The following NR4A1 variants were observed in gnomAD, a reference collection of about 807,000 sequenced individuals.
NR4A1 encodes the protein nuclear receptor subfamily 4 group A member 1.
NR4A1 carries 24 observed loss-of-function variants against 47.5 expected under a neutral mutation model. The ratio of observed to expected loss-of-function variants is 0.50; its 90% CI spans 0.37 to 0.71. The LOEUF is 0.71. Ranked by LOEUF, NR4A1 falls within the 30% of genes least tolerant of loss-of-function variation. The pLI is 0.00. For synonymous variants in NR4A1, 353 were observed against 345.7 expected, an observed-to-expected ratio of 1.02 and a Z score of -0.24; for missense variants, 669 against 788.6, an observed-to-expected ratio of 0.85 and a Z score of 1.82.
intron 1 of NR4A1, chr12:52,053,326 G>C (rs1939077798): frequency 6.6e-6 from 1 of 152,124 alleles, no homozygotes; most frequent in South Asian, 2.1e-4. Context: ...TCAGGGCACA[G>C]ACCCTGCTTT....
At chr12:52,053,664 G>A (rs1014636453) in intron 1 of NR4A1, 1 of 152,436 alleles carries the variant, frequency 6.6e-6, no homozygotes, top group Non-Finnish European at 1.5e-5. Context: ...GGATTGGGGT[G>A]GGTTTGGGAT....
At chr12:52,048,315 C>T (rs939243592), upstream of NR4A1, among the ~76,000 whole-genome samples, 2 of 151,838 alleles carry the variant, frequency 1.3e-5, no homozygotes, top group African/African-American at 4.8e-5. Context: ...TTTATTTTGG[C>T]CGGGTACAGT....
Position 52,028,903 on chromosome 12 carries a change from AAAAAAC to A in NR4A1, c.-84+5988_-84+5993del, listed in dbSNP as rs374234566. Among the ~76,000 whole-genome samples, 259 of 152,304 alleles carry A rather than the reference AAAAAAC, an allele frequency of 1.7e-3. 1 individual carries two copies. The highest frequency in any genetic ancestry group is 5.0e-3 in the African/African-American group (206 of 41,554). On this transcript the variant is annotated intron_variant, in intron 1 of 7. Transcript: ENST00000360284. Reference sequence around the variant, plus strand: ...GGGTGACAAAGCGAGACTCCATTTTAAAAAACAAAAACAAAAACAAAAACAAAAAGA... The same window carrying A: ...GGGTGACAAAGCGAGACTCCATTTTAAAAAACAAAAACAAAAACAAAAAGA...
At chr12:52,031,391 C>G (rs903449983) in intron 1 of NR4A1, among the ~76,000 whole-genome samples, 20 of 150,250 alleles carry the variant, frequency 1.3e-4, no homozygotes, top group African/African-American at 4.9e-4. Flanking sequence ...AATCTCAACA[C>G]TTTGGGAGGC....
chr12:52,041,278 ATG>A (rs1938424854), intron 1 of NR4A1, among the ~76,000 whole-genome samples: 1 of 152,086 alleles, frequency 6.6e-6, no homozygotes, highest in Non-Finnish European at 1.5e-5. Flanking sequence ...CAAAGAGATT[ATG>A]TAATTTGCCC....
At chr12:52,054,275 G>A (rs1437068352) in intron 1 of NR4A1, 52 bp from the exon 2 acceptor site, 3 of 1,488,806 alleles carry the variant, frequency 2.0e-6, no homozygotes, top group Non-Finnish European at 2.7e-6. Flanking sequence ...CAAGGCTATA[G>A]GCTTGTCCCA....
intron 1 of NR4A1, chr12:52,037,547 C>T (rs1233490199): frequency 3.1e-6 from 3 of 977,752 alleles, no homozygotes; most frequent in Non-Finnish European, 3.6e-6. Flanking sequence ...GCCGGAGTCC[C>T]GCTTGGAAAC....
chr12:52,027,375 G>A (rs1243657344), intron 1 of NR4A1, among the ~76,000 whole-genome samples: 1 of 152,242 alleles, frequency 6.6e-6, no homozygotes, highest in Admixed American at 6.5e-5. Flanking sequence ...GGTCTGCTGA[G>A]GATGGCTCTG....
intron 1 of NR4A1, among the ~76,000 whole-genome samples, chr12:52,024,572 C>T (rs147376433): frequency 1.2e-4 from 19 of 152,294 alleles, no homozygotes; most frequent in Admixed American, 3.9e-4. Flanking sequence ...GTAGTCCCAG[C>T]TACTGGAGAG....
Position 52,052,583 on chromosome 12 carries a change from C to T in NR4A1, c.-3+1015C>T, listed in dbSNP as rs1482974363. On this transcript the variant is annotated intron_variant, in intron 1 of 6. Coordinates refer to ENST00000394825, the MANE Select transcript of NR4A1 (RefSeq NM_173157.3). ...GCCTGAAGCCGGATTCTCCCCACTGCCTCCTTCAACCCCGCCTCTTCCTCC... is the reference window on the plus strand; with the variant it reads ...GCCTGAAGCCGGATTCTCCCCACTGTCTCCTTCAACCCCGCCTCTTCCTCC... 4 of 985,614 alleles carry T rather than the reference C, an allele frequency of 4.1e-6. No individual in the cohort carries two copies. The East Asian group carries it at 3.4e-4, about 84-fold the overall frequency. 61.1% of individuals were successfully genotyped at this position (985,614 alleles called of 1,614,324 possible). A position where few individuals can be genotyped will look rare whatever the true frequency, so the allele number is the denominator to read the frequency against.
chr12:52,058,016 A>C (rs891535655), intron 6 of NR4A1, among the ~76,000 whole-genome samples: 1 of 152,080 alleles, frequency 6.6e-6, no homozygotes, highest in Non-Finnish European at 1.5e-5. Flanking sequence ...TAAGATGGGA[A>C]TCTCACTATG....
chr12:52,038,933 C>T (rs1213293579), intron 1 of NR4A1, among the ~76,000 whole-genome samples: 2 of 152,226 alleles, frequency 1.3e-5, no homozygotes, highest in Non-Finnish European at 2.9e-5. Flanking sequence ...TGTGGGACTG[C>T]TCTGTGCAGT....
At chr12:52,037,391 T>G (rs546611158) in intron 1 of NR4A1, 2 of 984,360 alleles carry the variant, frequency 2.0e-6, no homozygotes, top group South Asian at 9.2e-5. Context: ...GGCCGGCTGG[T>G]GCGCGACCCC....
chr12:52,026,637 C>T (rs1400194486), intron 1 of NR4A1, among the ~76,000 whole-genome samples: 1 of 152,182 alleles, frequency 6.6e-6, no homozygotes, highest in Non-Finnish European at 1.5e-5. Context: ...CAATCTGCCT[C>T]CTGGAATGTG....
Position 52,057,092 on chromosome 12 carries a change from A to C in NR4A1, c.1194A>C (p.Glu398Asp). 6.2e-7 allele frequency: 1 copy of C among 1,611,068 alleles called. No homozygotes were observed. Among genetic ancestry groups the C allele is most frequent in the South Asian group, 1.1e-5 (1 of 90,296 alleles). ...QELVLPHFGK[E>D]DAGDVQQFYD... ...TGGTGCTGCCCCACTTTGGGAAGGA[A>C]GATGCTGGGGATGTACAGCAGTTCT... Residue 398 changes from glutamate to aspartate, a missense_variant, in exon 5 of 7, where the codon GAA (glutamate) becomes GAC (aspartate). Coordinates refer to ENST00000394825, the MANE Select transcript of NR4A1 (RefSeq NM_173157.3).
At chr12:52,051,383 C>T, upstream of NR4A1, 1 of 985,380 alleles carries the variant, frequency 1.0e-6, no homozygotes, top group Non-Finnish European at 1.2e-6. Flanking sequence ...GTCAGTGGCG[C>T]CCCCGCCCCT....
chr12:52,025,400 C>G lies in NR4A1; in HGVS notation c.-84+2461C>G, dbSNP rs573383978. On this transcript the variant is annotated intron_variant, in intron 1 of 7. Transcript: ENST00000360284. Reference sequence around the variant, plus strand: ...CCTCAACCACATGGGCCTCACTGTTCTTCCGGCGTACCCAGACTTTCCCCA... The same window carrying G: ...CCTCAACCACATGGGCCTCACTGTTGTTCCGGCGTACCCAGACTTTCCCCA... Among the ~76,000 whole-genome samples the G allele has an allele frequency of 2.8e-4, 43 of 152,268 alleles. 1 individual carries two copies. Among genetic ancestry groups the G allele is most frequent in the Admixed American group, 2.5e-3 (38 of 15,302 alleles).
intron 1 of NR4A1, among the ~76,000 whole-genome samples, chr12:52,031,095 A>G (rs1355671202): frequency 6.6e-6 from 1 of 152,112 alleles, no homozygotes; most frequent in Admixed American, 6.5e-5. Flanking sequence ...AGCTCGCTAC[A>G]GCCTCAGACT....
chr12:52,024,133 C>T lies in NR4A1; in HGVS notation c.-84+1194C>T, dbSNP rs192254692. ...GCAGTGAAGAAGGACCCTTTGTAAC[C>T]GCGAAGGAGCCTGTGAGTGTGAGGT... On this transcript the variant is annotated intron_variant, in intron 1 of 7. Transcript: ENST00000360284. 9.8e-4 allele frequency among the ~76,000 whole-genome samples: 149 copies of T among 152,278 alleles called. 1 individual carries two copies. Among genetic ancestry groups the T allele is most frequent in the African/African-American group, 3.5e-3 (146 of 41,560 alleles).
Sources: gnomAD v4.1 joint callset for allele counts (sites outside exome capture counted in the v4.1 genomes callset) on GRCh38, gnomAD v4.1.1 for gene constraint, MANE v1.5 for transcripts, NCBI Gene and HGNC (gene_info 2026-07-23, HGNC 2026-07-21) for gene names.